The following PCDHA2 variants were observed in gnomAD, a reference collection of about 807,000 sequenced individuals.
PCDHA2 encodes the protein protocadherin alpha-2.
In PCDHA2, 58 loss-of-function variants were observed where a neutral mutation model predicts 66.0. The observed-to-expected ratio is 0.88, with a 90% CI of 0.71 to 1.09. The LOEUF is 1.09. Ranked by LOEUF, PCDHA2 falls within the 50% of genes least tolerant of loss-of-function variation. The pLI, the probability that PCDHA2 is intolerant of heterozygous loss-of-function variation, is 0.00. For missense variants in PCDHA2, 1,267 were observed against 1,242.3 expected (o/e 1.02, Z -0.30); for synonymous variants, 634 against 554.0 (o/e 1.14, Z -2.03).
At chr5:140,919,713 G>C (rs1370532221) in intron 1 of PCDHA2, among the ~76,000 whole-genome samples, 1 of 152,096 alleles carries the variant, frequency 6.6e-6, no homozygotes, top group African/African-American at 2.4e-5. Context: ...ATTCTAGTGA[G>C]ATATAAATAT....
intron 1 of PCDHA2, chr5:140,802,388 G>T: frequency 6.2e-7 from 1 of 1,614,230 alleles, no homozygotes; most frequent in Non-Finnish European, 8.5e-7. Flanking sequence ...CCTTCAAGCT[G>T]GTGTCCACCT....
chr5:140,816,713 T>C (rs1414533262), intron 1 of PCDHA2: 2 of 152,204 alleles, frequency 1.3e-5, no homozygotes, highest in African/African-American at 4.8e-5. Context: ...CTAGAGATTC[T>C]AGGGACCTCT....
chr5:140,965,259 A>G (rs1257686866), intron 1 of PCDHA2, among the ~76,000 whole-genome samples: 1 of 152,218 alleles, frequency 6.6e-6, no homozygotes, highest in African/African-American at 2.4e-5. Context: ...AGAACTGAGC[A>G]GCAGAGGCAA....
chr5:140,998,639 A>G (rs1165002908), intron 3 of PCDHA2, among the ~76,000 whole-genome samples: 2 of 151,766 alleles, frequency 1.3e-5, no homozygotes, highest in African/African-American at 2.4e-5. Flanking sequence ...ATCTCAGCTC[A>G]CTGCAACCTC....
At chr5:140,848,605 A>G in intron 1 of PCDHA2, 4 of 1,593,610 alleles carry the variant, frequency 2.5e-6, no homozygotes, top group African/African-American at 2.7e-5. Flanking sequence ...TCCGTCCCGG[A>G]GGAAGCCGAA....
intron 1 of PCDHA2, chr5:140,881,501 C>A (rs782000314): frequency 3.3e-4 from 82 of 248,870 alleles, no homozygotes; most frequent in Non-Finnish European, 4.9e-4. Context: ...CACATACACA[C>A]ACTCACATAC....
At chr5:140,801,375 G>A (rs781848330) in intron 1 of PCDHA2, 1 of 1,613,516 alleles carries the variant, frequency 6.2e-7, no homozygotes, top group South Asian at 1.1e-5. Context: ...GGCGGAGCTG[G>A]TGCCGCGCCT....
intron 1 of PCDHA2, among the ~76,000 whole-genome samples, chr5:140,818,185 G>C (rs1766299277): frequency 1.3e-5 from 2 of 152,054 alleles, no homozygotes; most frequent in Non-Finnish European, 2.9e-5. Context: ...ATTCTTCTGT[G>C]ACTATAAGTA....
At chr5:140,884,667 G>A (rs1304262646) in intron 1 of PCDHA2, 4 of 1,568,684 alleles carry the variant, frequency 2.5e-6, no homozygotes, top group Non-Finnish European at 2.6e-6. Context: ...AAAGAGGTAA[G>A]CTTATATTTT....
At chr5:140,928,061 C>T (rs2084900711) in intron 1 of PCDHA2, 1 of 1,614,192 alleles carries the variant, frequency 6.2e-7, no homozygotes, top group African/African-American at 1.3e-5. Flanking sequence ...CTGACGGCTT[C>T]CTTTGACAAC....
intron 1 of PCDHA2, among the ~76,000 whole-genome samples, chr5:140,956,062 T>G (rs2153708941): frequency 6.6e-6 from 1 of 152,228 alleles, no homozygotes; most frequent in South Asian, 2.1e-4. Flanking sequence ...GACAATGGGG[T>G]TTTCCAGATA....
intron 1 of PCDHA2, chr5:140,822,744 T>C (rs1767420186): frequency 3.7e-6 from 6 of 1,613,748 alleles, no homozygotes; most frequent in Non-Finnish European, 4.2e-6. Context: ...ATGCCATGGA[T>C]AAAAGTACAT....
At chr5:140,856,907 A>G (rs2044265676) in intron 1 of PCDHA2, 3 of 1,596,440 alleles carry the variant, frequency 1.9e-6, no homozygotes, top group African/African-American at 2.7e-5. Context: ...GGTCCCACCC[A>G]CGATAAGAAG....
intron 1 of PCDHA2, chr5:140,841,846 T>G (rs2150323998): frequency 6.2e-7 from 1 of 1,613,898 alleles, no homozygotes. Flanking sequence ...TTAGCTCTCA[T>G]GATTACTTCA....
intron 1 of PCDHA2, among the ~76,000 whole-genome samples, chr5:140,888,973 A>G (rs1173174070): frequency 2.6e-5 from 4 of 152,078 alleles, no homozygotes; most frequent in African/African-American, 9.7e-5. Flanking sequence ...TAATGTGTTG[A>G]ATTTATGATT....
At chr5:140,828,232 G>A in intron 1 of PCDHA2, 1 of 1,613,964 alleles carries the variant, frequency 6.2e-7, no homozygotes, top group Non-Finnish European at 8.5e-7. Context: ...TCGTGGGCCG[G>A]ATCGCGCAGG....
intron 1 of PCDHA2, chr5:140,864,715 T>G (rs540368944): frequency 1.3e-5 from 2 of 152,390 alleles, no homozygotes; most frequent in Non-Finnish European, 2.9e-5. Flanking sequence ...GCTCTTCTAC[T>G]ATTTTGGGAA....
In PCDHA2 at chr5:140,990,740, G is replaced by C. The variant is rs76434886; in HGVS notation, c.2536+8177G>C. Among the ~76,000 whole-genome samples the C allele has an allele frequency of 8.5e-3, 1,294 of 152,288 alleles. 21 individuals carry two copies. Among genetic ancestry groups the C allele is most frequent in the African/African-American group, 0.029 (1,222 of 41,552 alleles). ...ATCACTAGGTATATCAACAGCCCTA[G>C]GGTGGATACCTTTGAGCCTGTAAAT... On this transcript the variant is annotated intron_variant, in intron 3 of 3. Coordinates refer to ENST00000526136, the MANE Select transcript of PCDHA2 (RefSeq NM_018905.3).
chr5:140,863,505 C>A, intron 1 of PCDHA2: 1 of 421,530 alleles, frequency 2.4e-6, no homozygotes. Flanking sequence ...GGCTTTTAGT[C>A]CTAGTGTTCT....
Sources: allele counts gnomAD v4.1 joint callset (sites outside exome capture counted in the v4.1 genomes callset), GRCh38; gene constraint gnomAD v4.1.1; transcripts MANE v1.5; gene names NCBI Gene and HGNC (gene_info 2026-07-23, HGNC 2026-07-21).